LNX1: variants seen among roughly 807,000 people sequenced by gnomAD.
LNX1 encodes the protein ligand of numb-protein X 1, also known as E3 ubiquitin-protein ligase LNX.
LNX1 carries 54 observed loss-of-function variants against 68.4 expected under a neutral mutation model. The observed-to-expected ratio is 0.79, with a 90% CI of 0.63 to 0.99. The LOEUF (loss-of-function observed/expected upper bound fraction) is 0.99, where lower values mean the gene tolerates loss of function less well. Ranked by LOEUF, LNX1 falls within the 50% of genes least tolerant of loss-of-function variation. The probability of loss-of-function intolerance (pLI) is 0.00; values close to 1 mark genes in which losing one functional copy is unlikely to be tolerated. For missense variants in LNX1, 906 were observed against 926.4 expected, an observed-to-expected ratio of 0.98 and a Z score of 0.29; for synonymous variants, 336 against 350.0, an observed-to-expected ratio of 0.96 and a Z score of 0.45.
At chr4:53,609,828 A>G (rs1423571973) in intron 2 of LNX1, among the ~76,000 whole-genome samples, 2 of 147,142 alleles carry the variant, frequency 1.4e-5, no homozygotes, top group Non-Finnish European at 3.0e-5. Flanking sequence ...TAAAATTTCT[A>G]CATAATGCTA....
chr4:53,498,289 C>T (rs1725215394), intron 5 of LNX1, among the ~76,000 whole-genome samples: 1 of 151,414 alleles, frequency 6.6e-6, no homozygotes, highest in African/African-American at 2.4e-5. Context: ...TATATTAATG[C>T]TCTTTAAAAA....
chr4:53,544,234 G>A (rs1340030088), intron 2 of LNX1, among the ~76,000 whole-genome samples: 2 of 151,214 alleles, frequency 1.3e-5, no homozygotes, highest in Admixed American at 6.6e-5. Context: ...TCACTCTGTT[G>A]CCCAGGCTGG....
intron 2 of LNX1, among the ~76,000 whole-genome samples, chr4:53,537,149 G>A (rs1014513873): frequency 5.3e-5 from 8 of 152,158 alleles, no homozygotes; most frequent in South Asian, 4.1e-4. Context: ...TTAATTTGCC[G>A]TAAGACATAT....
intron 2 of LNX1, among the ~76,000 whole-genome samples, chr4:53,615,020 T>C (rs535261149): frequency 4.6e-5 from 7 of 152,304 alleles, no homozygotes; most frequent in African/African-American, 1.7e-4. Context: ...ATATTTTTCC[T>C]TTTCCTTCAA....
At chr4:53,605,729 C>T (rs1733201561) in intron 2 of LNX1, among the ~76,000 whole-genome samples, 1 of 152,134 alleles carries the variant, frequency 6.6e-6, no homozygotes, top group Admixed American at 6.5e-5. Context: ...CTCTAGGTTC[C>T]TCCATGTTGT....
intron 4 of LNX1, among the ~76,000 whole-genome samples, chr4:53,502,488 T>C (rs1725578273): frequency 6.6e-6 from 1 of 152,268 alleles, no homozygotes; most frequent in Non-Finnish European, 1.5e-5. Context: ...AACGATCATC[T>C]GAGGCTTCAG....
rs1726028988 is a variant in LNX1 at position 53,507,915 on chromosome 4, C to T, written c.622+71G>A. 1.0e-5 allele frequency: 16 copies of T among 1,537,970 alleles called. No homozygotes were observed. In the South Asian group the frequency reaches 2.0e-4, roughly 19 times the overall value. On this transcript the variant is annotated intron_variant, in intron 3 of 10. Transcript: ENST00000263925. The stretch of plus-strand genomic sequence containing the variant: ...TAAAAAACATTTACAGAACTTTCCA[C>T]AGTAAGTATTCCACAGAGGGCAATC...
chr4:53,601,673 C>T (rs1024920652), intron 2 of LNX1, among the ~76,000 whole-genome samples: 3 of 152,132 alleles, frequency 2.0e-5, no homozygotes, highest in Admixed American at 1.3e-4. Context: ...TAGGTATGTC[C>T]CCTCCTCATC....
At chr4:53,463,529 G>A (rs1722366842) in intron 9 of LNX1, among the ~76,000 whole-genome samples, 1 of 152,044 alleles carries the variant, frequency 6.6e-6, no homozygotes, top group Admixed American at 6.6e-5. Flanking sequence ...ACTGGGAAAT[G>A]TGGCAGCTGT....
Position 53,481,731 on chromosome 4 carries a change from T to A in LNX1, c.1474A>T (p.Asn492Tyr), listed in dbSNP as rs1287841438. The change falls in exon 7 of 11, where the codon AAC becomes TAC. Residue 492 changes from asparagine (N) to tyrosine (Y), a missense_variant. Asn to Tyr is a moderately radical substitution (Grantham distance 143). Coordinates refer to ENST00000263925, the MANE Select transcript of LNX1 (RefSeq NM_001126328.3). ...SWSPGPGERSNTPKPLHPTIT... is the reference protein window; with the variant it reads ...SWSPGPGERSYTPKPLHPTIT... Reference sequence around the variant, plus strand: ...CCTAGAGGCCTCACCTTGGGAGTGTTGCTCCTCTCCCCTGGCCCTGGGGAC... The same window carrying A: ...CCTAGAGGCCTCACCTTGGGAGTGTAGCTCCTCTCCCCTGGCCCTGGGGAC... 6.2e-7 allele frequency: 1 copy of A among 1,613,716 alleles called. No individual in the cohort carries two copies. Among genetic ancestry groups the A allele is most frequent in the South Asian group, 1.1e-5 (1 of 91,032 alleles).
At chr4:53,488,456 T>C (rs1270356091) in intron 6 of LNX1, among the ~76,000 whole-genome samples, 2 of 152,198 alleles carry the variant, frequency 1.3e-5, no homozygotes, top group Non-Finnish European at 2.9e-5. Flanking sequence ...ATGTAATAAG[T>C]TCTGGACTCG....
At chr4:53,490,694 A>C (rs1266225890) in intron 6 of LNX1, among the ~76,000 whole-genome samples, 1 of 152,224 alleles carries the variant, frequency 6.6e-6, no homozygotes, top group Non-Finnish European at 1.5e-5. Flanking sequence ...TTGTAAGGCA[A>C]ATGTGATTCA....
chr4:53,501,776 T>A (rs1725523364), intron 4 of LNX1: 1 of 152,180 alleles, frequency 6.6e-6, no homozygotes, highest in Non-Finnish European at 1.5e-5. Flanking sequence ...CATTGTTGCC[T>A]CACAAATGCT....
intron 1 of LNX1, among the ~76,000 whole-genome samples, chr4:53,645,846 T>C (rs570143034): frequency 1.3e-5 from 2 of 152,338 alleles, no homozygotes; most frequent in South Asian, 4.1e-4. Context: ...CCGTATGAAA[T>C]ACCAGACTCC....
chr4:53,625,011 A>G (rs1734020489), intron 1 of LNX1, among the ~76,000 whole-genome samples: 1 of 152,198 alleles, frequency 6.6e-6, no homozygotes, highest in African/African-American at 2.4e-5. Flanking sequence ...ATTGTTTTAA[A>G]AAGATTTATA....
chr4:53,501,335 G>A (rs1352458730), intron 4 of LNX1, among the ~76,000 whole-genome samples: 1 of 137,892 alleles, frequency 7.3e-6, no homozygotes, highest in African/African-American at 2.7e-5. Context: ...CTGTCACCCA[G>A]GCTGGAGTAT....
intron 2 of LNX1, among the ~76,000 whole-genome samples, chr4:53,546,397 A>C (rs1334397270): frequency 6.6e-6 from 1 of 152,194 alleles, no homozygotes; most frequent in Non-Finnish European, 1.5e-5. Context: ...GTCACTTGCC[A>C]CACTGTGTCA....
chr4:53,481,765 A>T lies in LNX1; in HGVS notation c.1440T>A (p.Asn480Lys). 6.2e-7 allele frequency: 1 copy of T among 1,613,914 alleles called. No individual in the cohort carries two copies. The highest frequency in any genetic ancestry group is 2.2e-5 in the East Asian group (1 of 44,854). ...DIFQEAGWNS[N>K]GSWSPGPGER... is the part of the protein sequence containing the mutation. ...CCCCTGGCCCTGGGGACCAGCTGCC[A>T]TTGCTGTTCCAGCCGGCTTCCTGAA... The change falls in exon 7 of 11, where the codon AAT becomes AAA. Residue 480 changes from asparagine to lysine, a missense_variant. Coordinates refer to ENST00000263925, the MANE Select transcript of LNX1 (RefSeq NM_001126328.3).
chr4:53,581,989 C>T (rs1170920331), intron 1 of LNX1, among the ~76,000 whole-genome samples: 1 of 152,132 alleles, frequency 6.6e-6, no homozygotes, highest in East Asian at 1.9e-4. Context: ...ATTGCATTCA[C>T]ATTAGGATTA....
Sources: allele counts gnomAD v4.1 joint callset (sites outside exome capture counted in the v4.1 genomes callset), GRCh38; gene constraint gnomAD v4.1.1; transcripts MANE v1.5; gene names NCBI Gene and HGNC (gene_info 2026-07-23, HGNC 2026-07-21).